HECW2: variants seen among roughly 807,000 people sequenced by gnomAD.
HECW2 encodes E3 ubiquitin-protein ligase HECW2.
HECW2 carries 61 observed loss-of-function variants against 175.2 expected under a neutral mutation model. That is an observed-to-expected ratio of 0.35 (90% CI 0.28 to 0.43). The LOEUF is 0.43. Among genes scored for constraint, HECW2 ranks in the 20% least tolerant of loss-of-function variants. The pLI is 1.00. For synonymous variants in HECW2, 671 were observed against 731.0 expected (o/e 0.92, Z 1.32); for missense variants, 1,524 against 2,000.5 (o/e 0.76, Z 4.54).
intron 13 of HECW2, among the ~76,000 whole-genome samples, chr2:196,298,801 A>C (rs1690916223): frequency 6.6e-6 from 1 of 152,230 alleles, no homozygotes; most frequent in Non-Finnish European, 1.5e-5. Context: ...GAAAATTATT[A>C]AATACATTCC....
intron 1 of HECW2, among the ~76,000 whole-genome samples, chr2:196,505,736 T>C (rs986371033): frequency 2.0e-5 from 3 of 152,186 alleles, no homozygotes; most frequent in South Asian, 2.1e-4. Flanking sequence ...GAAAACATTA[T>C]AGATTTATAC....
intron 1 of HECW2, among the ~76,000 whole-genome samples, chr2:196,437,854 C>G (rs1695926679): frequency 6.6e-6 from 1 of 152,070 alleles, no homozygotes; most frequent in African/African-American, 2.4e-5. Flanking sequence ...GTGTCAAATG[C>G]TGCAGGGAAA....
chr2:196,488,489 T>C (rs1687083796), intron 1 of HECW2, among the ~76,000 whole-genome samples: 1 of 152,148 alleles, frequency 6.6e-6, no homozygotes, highest in Non-Finnish European at 1.5e-5. Context: ...GGAAAATCAT[T>C]AAAGTAATGT....
At chr2:196,433,555 C>G in intron 1 of HECW2, 97 bp from the exon 2 acceptor site, 1 of 809,270 alleles carries the variant, frequency 1.2e-6, no homozygotes, top group Non-Finnish European at 1.9e-6. Context: ...GTTTAATAAG[C>G]CTGATCATGC....
chr2:196,202,606 G>A (rs1046280955), intron 28 of HECW2, among the ~76,000 whole-genome samples: 1 of 152,180 alleles, frequency 6.6e-6, no homozygotes, highest in Non-Finnish European at 1.5e-5. Flanking sequence ...GGTATTGTTA[G>A]CTACATTTCA....
chr2:196,244,186 G>A (rs1688564492), intron 19 of HECW2, among the ~76,000 whole-genome samples: 1 of 152,176 alleles, frequency 6.6e-6, no homozygotes, highest in Non-Finnish European at 1.5e-5. Flanking sequence ...TGAGTAAGGT[G>A]GGGTTGCTGG....
intron 1 of HECW2, among the ~76,000 whole-genome samples, chr2:196,466,948 A>G (rs1696976996): frequency 6.6e-6 from 1 of 152,188 alleles, no homozygotes; most frequent in Non-Finnish European, 1.5e-5. Context: ...CTGATCTCTG[A>G]TAACTCCAAC....
chr2:196,537,126 T>C (rs1689047287), intron 1 of HECW2, among the ~76,000 whole-genome samples: 1 of 152,164 alleles, frequency 6.6e-6, no homozygotes, highest in South Asian at 2.1e-4. Flanking sequence ...CTCCTGCTCC[T>C]AGGAAAGAAC....
At chr2:196,285,817 T>C (rs1409937984) in intron 14 of HECW2, among the ~76,000 whole-genome samples, 1 of 152,238 alleles carries the variant, frequency 6.6e-6, no homozygotes, top group African/African-American at 2.4e-5. Context: ...TCATGACATC[T>C]GTATCAGTCA....
intron 2 of HECW2, among the ~76,000 whole-genome samples, chr2:196,395,607 A>C (rs1278150215): frequency 6.6e-6 from 1 of 152,228 alleles, no homozygotes; most frequent in Non-Finnish European, 1.5e-5. Flanking sequence ...AAGCACATTA[A>C]AAAGATGTTT....
At chr2:196,535,528 A>AGCACACTGCACTT (rs1157397123) in intron 1 of HECW2, among the ~76,000 whole-genome samples, 78 of 152,242 alleles carry the variant, frequency 5.1e-4, no homozygotes, top group African/African-American at 1.9e-3. Context: ...ATAAGGCTCA[A>AGCACACTGCACTT]GCACACTGCA....
At chr2:196,234,524 G>A (rs913348348) in intron 21 of HECW2, among the ~76,000 whole-genome samples, 8 of 151,854 alleles carry the variant, frequency 5.3e-5, no homozygotes, top group African/African-American at 9.7e-5. Context: ...GGAACTCCTC[G>A]CCTGAAGCAA....
chr2:196,577,227 T>C (rs1690594321), intron 1 of HECW2, among the ~76,000 whole-genome samples: 1 of 152,190 alleles, frequency 6.6e-6, no homozygotes, highest in Admixed American at 6.5e-5. Context: ...AATTGGAATA[T>C]ATATGCCTTC....
intron 1 of HECW2, among the ~76,000 whole-genome samples, chr2:196,455,584 T>G (rs560874677): frequency 6.6e-6 from 1 of 152,210 alleles, no homozygotes; most frequent in South Asian, 2.1e-4. Flanking sequence ...TTTTTCCATA[T>G]AGTTTTCTTA....
intron 19 of HECW2, among the ~76,000 whole-genome samples, chr2:196,250,980 T>C (rs1333011912): frequency 6.6e-6 from 1 of 152,222 alleles, no homozygotes; most frequent in African/African-American, 2.4e-5. Context: ...GCAAAGACCA[T>C]TGATAATGTC....
intron 1 of HECW2, among the ~76,000 whole-genome samples, chr2:196,443,299 C>T (rs921545007): frequency 1.3e-5 from 2 of 152,094 alleles, no homozygotes; most frequent in African/African-American, 4.8e-5. Context: ...AAGAAAAAAG[C>T]CACTAACAAA....
At chr2:196,364,287 C>A (rs1006286736) in intron 2 of HECW2, among the ~76,000 whole-genome samples, 1 of 152,208 alleles carries the variant, frequency 6.6e-6, no homozygotes, top group Non-Finnish European at 1.5e-5. Context: ...TTCCCCCCAG[C>A]ATAAGACACT....
intron 17 of HECW2, among the ~76,000 whole-genome samples, chr2:196,270,251 G>T (rs1046261537): frequency 6.6e-6 from 1 of 152,214 alleles, no homozygotes; most frequent in Non-Finnish European, 1.5e-5. Flanking sequence ...GTCCACAGTG[G>T]AGTTGAAAGA....
At chr2:196,236,426 C>G (rs1053505287) in intron 21 of HECW2, among the ~76,000 whole-genome samples, 5 of 152,246 alleles carry the variant, frequency 3.3e-5, no homozygotes, top group Admixed American at 3.3e-4. Flanking sequence ...ACCTCACACA[C>G]AGATTAACAT....
Sources: allele counts gnomAD v4.1 joint callset (sites outside exome capture counted in the v4.1 genomes callset), GRCh38; gene constraint gnomAD v4.1.1; transcripts MANE v1.5; gene names NCBI Gene and HGNC (gene_info 2026-07-23, HGNC 2026-07-21).